COL4A6: variants seen among roughly 807,000 people sequenced by gnomAD.
The protein encoded by COL4A6 is collagen type IV alpha 6 chain.
Under a neutral mutation model 126.7 loss-of-function variants are expected in COL4A6, and 59 were observed. The observed-to-expected ratio is 0.47, with a 90% CI of 0.38 to 0.58. The LOEUF (loss-of-function observed/expected upper bound fraction) is 0.58. Ranked by LOEUF, COL4A6 falls within the 20% of genes least tolerant of loss-of-function variation. The pLI is 0.00. For synonymous variants in COL4A6, 547 were observed against 496.6 expected (o/e 1.10, Z -1.35); for missense variants, 1,285 against 1,337.3 (o/e 0.96, Z 0.61).
At chrX:108,190,326 CTCA>C in intron 20 of COL4A6, 63 bp downstream of exon 20, 4 of 768,778 alleles carry the variant, frequency 5.2e-6, no homozygotes, top group Non-Finnish European at 7.8e-6. Flanking sequence ...TGTTGGTTTT[CTCA>C]TTCCCCAGGA....
intron 2 of COL4A6, among the ~76,000 whole-genome samples, chrX:108,312,785 T>C (rs750793112): frequency 9.0e-6 from 1 of 111,707 alleles, no homozygotes; most frequent in South Asian, 3.8e-4. Flanking sequence ...AAAGTTGAAA[T>C]GGCATCTATT....
chrX:108,434,150 G>C (rs2064221774), intron 2 of COL4A6, among the ~76,000 whole-genome samples: 1 of 111,929 alleles, frequency 8.9e-6, no homozygotes, highest in African/African-American at 3.2e-5. Context: ...TTGGCACTTA[G>C]AGTCAACACA....
chrX:108,371,585 A>C (rs1396901050), intron 2 of COL4A6, among the ~76,000 whole-genome samples: 3 of 108,034 alleles, frequency 2.8e-5, no homozygotes, highest in Non-Finnish European at 3.8e-5. Context: ...AAAAAAAAAA[A>C]AAAAAAAAAA....
chrX:108,420,810 C>A (rs1207391539), intron 2 of COL4A6, among the ~76,000 whole-genome samples: 1 of 111,305 alleles, frequency 9.0e-6, no homozygotes, highest in Non-Finnish European at 1.9e-5. Context: ...TGGCCCCAGC[C>A]CAGCTTGAGA....
intron 2 of COL4A6, among the ~76,000 whole-genome samples, chrX:108,395,797 C>T (rs1013197600): frequency 1.8e-5 from 2 of 111,852 alleles, no homozygotes; most frequent in Non-Finnish European, 3.8e-5. Context: ...AACTAGCTTT[C>T]CCAAAGGGCT....
chrX:108,385,084 A>AT (rs776618408), intron 2 of COL4A6, among the ~76,000 whole-genome samples: 2 of 109,408 alleles, frequency 1.8e-5, no homozygotes, highest in African/African-American at 6.7e-5. Context: ...TATATATACT[A>AT]TTTTTTTTCC....
At chrX:108,169,763 A>C in intron 36 of COL4A6, 143 bp from the exon 37 acceptor site, 1 of 935,657 alleles carries the variant, frequency 1.1e-6, no homozygotes, top group Non-Finnish European at 1.5e-6. Flanking sequence ...AGTTAATCTG[A>C]GTAGAAGAAA....
chrX:108,251,358 C>T (rs184209095), intron 3 of COL4A6, among the ~76,000 whole-genome samples: 91 of 111,232 alleles, frequency 8.2e-4, no homozygotes, highest in East Asian at 2.6e-3. Context: ...TTCCAGAGAC[C>T]TTTGCAAGCC....
intron 3 of COL4A6, among the ~76,000 whole-genome samples, chrX:108,265,487 T>C (rs1341779042): frequency 9.1e-6 from 1 of 110,291 alleles, no homozygotes; most frequent in Non-Finnish European, 1.9e-5. Context: ...TGCCTGGGGC[T>C]GCAAAGATAC....
chrX:108,379,718 T>C (rs1198833552), intron 2 of COL4A6, among the ~76,000 whole-genome samples: 1 of 110,504 alleles, frequency 9.0e-6, no homozygotes, highest in Non-Finnish European at 1.9e-5. Context: ...TTAATTGCAG[T>C]ATACTTCACA....
chrX:108,165,373 G>A lies in COL4A6; in HGVS notation c.3805C>T (p.Arg1269Ter), dbSNP rs750490238. The change falls in exon 38 of 45, where the codon CGA (arginine) becomes TGA (stop). Residue 1269 changes from arginine to a stop codon, truncating the protein, a stop_gained. Transcript: ENST00000334504. LOFTEE classifies it high-confidence loss of function. Reference protein sequence around the residue: ...DPGRPGLDGERGRPGPAGPPG... With the variant: ...DPGRPGLDGE ...CTTTTGGGCTTCCTGTCTTTACCTC[G>A]TTCTCCATCTAGGCCTGGTCGCCCG... The A allele has an allele frequency of 5.0e-6, 6 of 1,202,757 alleles. No homozygotes were observed. Among genetic ancestry groups the A allele is most frequent in the African/African-American group, 1.8e-5 (1 of 56,964 alleles).
chrX:108,259,168 C>A (rs1281409018), intron 3 of COL4A6, among the ~76,000 whole-genome samples: 1 of 110,742 alleles, frequency 9.0e-6, no homozygotes, highest in African/African-American at 3.3e-5. Flanking sequence ...TCCAGCAGAC[C>A]CTGATAAGCA....
At chrX:108,371,129 G>C (rs2040313404) in intron 2 of COL4A6, among the ~76,000 whole-genome samples, 1 of 109,439 alleles carries the variant, frequency 9.1e-6, no homozygotes, top group Non-Finnish European at 1.9e-5. Context: ...CTGTTCTCTG[G>C]TTTATCACAT....
chrX:108,240,727 A>AC (rs1343954512), intron 3 of COL4A6, among the ~76,000 whole-genome samples: 13 of 112,429 alleles, frequency 1.2e-4, no homozygotes, highest in Non-Finnish European at 2.4e-4. Flanking sequence ...GAATGCTTTG[A>AC]AAATTACTGT....
intron 3 of COL4A6, among the ~76,000 whole-genome samples, chrX:108,278,237 A>G (rs1228461227): frequency 1.8e-5 from 2 of 111,764 alleles, no homozygotes; most frequent in Non-Finnish European, 3.8e-5. Context: ...GAAGTTGAAA[A>G]CTTTGAAAAA....
chrX:108,248,548 A>G (rs776418429), intron 3 of COL4A6, among the ~76,000 whole-genome samples: 2 of 110,904 alleles, frequency 1.8e-5, no homozygotes, highest in African/African-American at 6.6e-5. Context: ...GCTGGTTCTG[A>G]CTGATCCACC....
chrX:108,175,544 A>G, intron 29 of COL4A6, 110 bp downstream of exon 29: 1 of 908,824 alleles, frequency 1.1e-6, no homozygotes, highest in East Asian at 3.2e-5. Context: ...CCAAATTTTT[A>G]TTATCTAACA....
chrX:108,404,443 C>T (rs1402144561), intron 2 of COL4A6, among the ~76,000 whole-genome samples: 1 of 111,375 alleles, frequency 9.0e-6, no homozygotes, highest in Non-Finnish European at 1.9e-5. Context: ...TATCTATATC[C>T]TCGGTTTTAA....
chrX:108,188,673 G>A lies in COL4A6; in HGVS notation c.1431C>T (p.Asp477=), dbSNP rs139740946. The stretch of plus-strand genomic sequence containing the variant: ...CACCGTCACAAGCACAGAAACCTGA[G>A]TCTCCTGGGAGAAAAAGACAACATA... ...GNLGLKGIKG[D]SGFCACDGGV... Residue 477 remains aspartate (D), a synonymous_variant, in exon 21 of 45, where the codon GAC becomes GAT. Transcript: ENST00000334504. The A allele has an allele frequency of 6.7e-4, 773 of 1,145,207 alleles. 7 individuals are homozygous for A. The East Asian group carries it at 0.021, about 31-fold the overall frequency. The allele number at this position is 1,145,207 out of a possible 1,213,427, so 94.4% of individuals were successfully genotyped here.
Sources: allele counts gnomAD v4.1 joint callset (sites outside exome capture counted in the v4.1 genomes callset), GRCh38; gene constraint gnomAD v4.1.1; transcripts MANE v1.5; gene names NCBI Gene and HGNC (gene_info 2026-07-23, HGNC 2026-07-21).